CSMD2: variants seen among roughly 807,000 people sequenced by gnomAD.
CSMD2 encodes the protein CUB and sushi domain-containing protein 2.
A neutral mutation model predicts 398.5 loss-of-function variants in CSMD2; 130 were observed. That is an observed-to-expected ratio of 0.33 (90% CI 0.28 to 0.38). The LOEUF is 0.38. CSMD2 is among the 10% of genes least tolerant of loss of function. The probability of loss-of-function intolerance (pLI) is 1.00; values close to 1 mark genes in which losing one functional copy is unlikely to be tolerated. For synonymous variants in CSMD2, 1,828 were observed against 1,908.5 expected (o/e 0.96, Z 1.10); for missense variants, 3,829 against 4,764.9 (o/e 0.80, Z 5.78).
chr1:33,715,941 G>A (rs1646153421), intron 20 of CSMD2, among the ~76,000 whole-genome samples: 1 of 151,316 alleles, frequency 6.6e-6, no homozygotes, highest in Non-Finnish European at 1.5e-5. Context: ...GGTTGGCAAT[G>A]TGGAAGTGGA....
chr1:34,047,637 T>C (rs1422168630), intron 2 of CSMD2, among the ~76,000 whole-genome samples: 1 of 152,056 alleles, frequency 6.6e-6, no homozygotes, highest in Non-Finnish European at 1.5e-5. Flanking sequence ...CCATAGGAGG[T>C]AATTACTGAA....
chr1:33,632,326 A>G (rs141703884), intron 32 of CSMD2, among the ~76,000 whole-genome samples: 1 of 152,160 alleles, frequency 6.6e-6, no homozygotes, highest in African/African-American at 2.4e-5. Flanking sequence ...CCTGAAGAAA[A>G]TTATATAGCA....
intron 25 of CSMD2, among the ~76,000 whole-genome samples, chr1:33,664,557 T>C (rs537475048): frequency 1.3e-5 from 2 of 152,216 alleles, no homozygotes; most frequent in Admixed American, 1.3e-4. Context: ...ATCCCAGCAC[T>C]TTGGGAGGCT....
chr1:33,679,199 G>GTTTTTTTTTTTTT, intron 25 of CSMD2, among the ~76,000 whole-genome samples: 1 of 84,214 alleles, frequency 1.2e-5, no homozygotes, highest in African/African-American at 4.3e-5. Context: ...AATTGCAGTT[G>GTTTTTTTTTTTTT]TTTTTTTTTT....
intron 4 of CSMD2, among the ~76,000 whole-genome samples, chr1:33,930,502 C>T (rs1025560295): frequency 6.6e-6 from 1 of 152,250 alleles, no homozygotes; most frequent in Non-Finnish European, 1.5e-5. Flanking sequence ...GGTATGGTGA[C>T]AGCCTGCCGT....
At chr1:34,020,624 C>T (rs12563211) in intron 3 of CSMD2, among the ~76,000 whole-genome samples, 17,392 of 148,332 alleles carry the variant, frequency 0.12, 1,087 homozygotes, top group East Asian at 0.23. Context: ...AGCAGGAACA[C>T]GGTGGAGAGT....
In CSMD2 at chr1:34,150,140, G is replaced by C. The variant is rs535385981; in HGVS notation, c.187+14771C>G. Among the ~76,000 whole-genome samples the C allele has an allele frequency of 2.9e-4, 43 of 148,330 alleles. 1 individual carries two copies. The highest frequency in any genetic ancestry group is 9.9e-4 in the African/African-American group (40 of 40,276). ...TCTGTGACCCAGGCTAGAGTGCAGT[G>C]GTGCAATCATGGCTCACTGCAGCCT... On this transcript the variant is annotated intron_variant, in intron 1 of 70. Transcript: ENST00000373381.
intron 3 of CSMD2, among the ~76,000 whole-genome samples, chr1:33,988,432 C>T (rs1646433301): frequency 6.6e-6 from 1 of 152,228 alleles, no homozygotes; most frequent in Non-Finnish European, 1.5e-5. Flanking sequence ...CAGGCCCTCA[C>T]ATCCCCCACC....
At chr1:33,991,727 G>A (rs1284688075) in intron 3 of CSMD2, among the ~76,000 whole-genome samples, 1 of 152,196 alleles carries the variant, frequency 6.6e-6, no homozygotes, top group Non-Finnish European at 1.5e-5. Flanking sequence ...CCTTGGGCAA[G>A]TCATTTAAGC....
intron 9 of CSMD2, among the ~76,000 whole-genome samples, chr1:33,816,386 C>T (rs1281369960): frequency 5.9e-5 from 9 of 152,042 alleles, no homozygotes; most frequent in Non-Finnish European, 4.4e-5. Context: ...CTCACTATAC[C>T]AGTGGTTTAC....
chr1:34,060,335 A>G (rs1251959651), intron 2 of CSMD2, among the ~76,000 whole-genome samples: 1 of 152,374 alleles, frequency 6.6e-6, no homozygotes, highest in East Asian at 1.9e-4. Flanking sequence ...GGGTGCCAAC[A>G]TGACAGCTGA....
At chr1:33,573,555 G>C (rs1659794507) in intron 49 of CSMD2, among the ~76,000 whole-genome samples, 1 of 151,366 alleles carries the variant, frequency 6.6e-6, no homozygotes, top group Non-Finnish European at 1.5e-5. Flanking sequence ...TCTTTGAAAT[G>C]AAAAATATGA....
intron 5 of CSMD2, among the ~76,000 whole-genome samples, chr1:33,853,995 A>G (rs538682388): frequency 3.3e-5 from 5 of 152,272 alleles, no homozygotes; most frequent in African/African-American, 1.2e-4. Context: ...TTCTTGAAAA[A>G]CGGTCAATTA....
intron 3 of CSMD2, among the ~76,000 whole-genome samples, chr1:33,948,800 G>A (rs1161051724): frequency 6.6e-6 from 1 of 152,232 alleles, no homozygotes; most frequent in Non-Finnish European, 1.5e-5. Context: ...ACAGAATGCA[G>A]GGATAGAGGC....
At chr1:33,707,330 G>A (rs1285622520) in intron 22 of CSMD2, among the ~76,000 whole-genome samples, 2 of 152,182 alleles carry the variant, frequency 1.3e-5, no homozygotes, top group Non-Finnish European at 2.9e-5. Context: ...CCTCTGCATT[G>A]CCCAGCTTGC....
In CSMD2 at chr1:33,777,113, C is replaced by T. The variant is rs190499960; in HGVS notation, c.1664-4362G>A. Among the ~76,000 whole-genome samples the T allele has an allele frequency of 3.3e-5, 5 of 152,142 alleles. No individual in the cohort carries two copies. The East Asian group carries it at 5.8e-4, about 18-fold the overall frequency. ...TTACACGTGGGTGGAATGGCATCGGCGAGCAAGCATACGAGCCCCTCTCAA... is the reference window on the plus strand; with the variant it reads ...TTACACGTGGGTGGAATGGCATCGGTGAGCAAGCATACGAGCCCCTCTCAA... On this transcript the variant is annotated intron_variant, in intron 12 of 70. Transcript: ENST00000373381.
chr1:33,980,373 C>T (rs1005351543), intron 3 of CSMD2, among the ~76,000 whole-genome samples: 1 of 152,142 alleles, frequency 6.6e-6, no homozygotes, highest in Non-Finnish European at 1.5e-5. Context: ...TTGTCTTTTC[C>T]TAACAGGTTT....
intron 32 of CSMD2, 126 bp from the exon 33 acceptor site, chr1:33,626,707 C>T (rs1042292902): frequency 1.6e-6 from 1 of 609,868 alleles, no homozygotes; most frequent in Non-Finnish European, 2.8e-6. Flanking sequence ...CATTCCAGGC[C>T]TTCCTGAAAT....
At chr1:33,558,259 A>G (rs76776666) in intron 54 of CSMD2, among the ~76,000 whole-genome samples, 6,819 of 152,322 alleles carry the variant, frequency 0.045, 544 homozygotes, top group African/African-American at 0.15. Flanking sequence ...GTCTCCATAT[A>G]TCTGATCGTA....
Sources: gnomAD v4.1 joint callset for allele counts (sites outside exome capture counted in the v4.1 genomes callset) on GRCh38, gnomAD v4.1.1 for gene constraint, MANE v1.5 for transcripts, NCBI Gene and HGNC (gene_info 2026-07-23, HGNC 2026-07-21) for gene names.